ZNF829: variants seen among roughly 807,000 people sequenced by gnomAD.
ZNF829 encodes zinc finger protein 829.
In ZNF829, 25 loss-of-function variants were observed where a neutral mutation model predicts 35.2. The ratio of observed to expected loss-of-function variants is 0.71; its 90% CI spans 0.52 to 0.99. The LOEUF is 0.99. Ranked by LOEUF, ZNF829 falls within the 50% of genes least tolerant of loss-of-function variation. The probability of loss-of-function intolerance (pLI) is 0.00; values close to 1 mark genes in which losing one functional copy is unlikely to be tolerated. For synonymous variants in ZNF829, 136 were observed against 163.2 expected (o/e 0.83, Z 1.27); for missense variants, 417 against 515.3 (o/e 0.81, Z 1.85).
At chr19:36,895,744 C>T (rs926363006) in intron 5 of ZNF829, among the ~76,000 whole-genome samples, 1 of 151,930 alleles carries the variant, frequency 6.6e-6, no homozygotes, top group Non-Finnish European at 1.5e-5. Flanking sequence ...TAAAAAACTG[C>T]AAAAGAAGCA....
At chr19:36,892,902 T>C in intron 5 of ZNF829, 1 of 1,152,204 alleles carries the variant, frequency 8.7e-7, no homozygotes, top group Non-Finnish European at 1.1e-6. Context: ...GCCATCAGCA[T>C]GCCCAGGCAG....
chr19:36,891,893 C>T lies in ZNF829; in HGVS notation c.898G>A (p.Glu300Lys), dbSNP rs1407553305. The T allele has an allele frequency of 6.2e-7, 1 of 1,614,026 alleles. No homozygotes were observed. The highest frequency in any genetic ancestry group is 1.1e-5 in the South Asian group (1 of 91,066). ...TGTTGAGTAAAGGCTTTCCCACATT[C>T]TTTACATTCATAAGGTTTCTCACCA... ...HTGEKPYECK[E>K]CGKAFTQHSR... The change falls in exon 6 of 6, where the codon GAA (glutamate) becomes AAA (lysine). Residue 300 changes from glutamate to lysine, a missense_variant. Transcript: ENST00000391711.
chr19:36,895,595 C>T (rs982727260), intron 5 of ZNF829, among the ~76,000 whole-genome samples: 2 of 151,942 alleles, frequency 1.3e-5, no homozygotes, highest in African/African-American at 2.4e-5. Context: ...AAATATGACT[C>T]ACCTATATAC....
At chr19:36,902,056 G>C (rs1460748076) in intron 5 of ZNF829, 1 of 563,448 alleles carries the variant, frequency 1.8e-6, no homozygotes, top group Admixed American at 2.5e-5. Context: ...TCTATACTTT[G>C]GTTATCTATG....
rs1032683767 is a variant in ZNF829 at position 36,908,314 on chromosome 19, G to T, written c.223+19C>A. Reference sequence around the variant, plus strand: ...CTTCCAAGGGCACACTCTGAATTTTGGGGAATAGTTATCCTTACCCACTGA... The same window carrying T: ...CTTCCAAGGGCACACTCTGAATTTTTGGGAATAGTTATCCTTACCCACTGA... On this transcript the variant is annotated intron_variant, in intron 4 of 5. Transcript: ENST00000391711. 1.2e-6 allele frequency: 2 copies of T among 1,601,112 alleles called. No individual in the cohort carries two copies. Among genetic ancestry groups the T allele is most frequent in the Non-Finnish European group, 1.7e-6 (2 of 1,174,952 alleles).
intron 5 of ZNF829, among the ~76,000 whole-genome samples, chr19:36,900,174 ACACACACAC>A (rs2073152334): frequency 6.7e-6 from 1 of 150,260 alleles, no homozygotes; most frequent in Non-Finnish European, 1.5e-5. Context: ...ACACACACAC[ACACACACAC>A]ACACACACAC....
At chr19:36,902,143 A>C (rs2073172051) in intron 5 of ZNF829, 2 of 295,606 alleles carry the variant, frequency 6.8e-6, no homozygotes, top group Non-Finnish European at 1.2e-5. Flanking sequence ...AATACATCAA[A>C]TAGTTATAAA....
At chr19:36,913,952 A>G (rs2073284381) in intron 3 of ZNF829, among the ~76,000 whole-genome samples, 1 of 152,166 alleles carries the variant, frequency 6.6e-6, no homozygotes, top group African/African-American at 2.4e-5. Flanking sequence ...AAACATACCC[A>G]TGCACATATA....
At chr19:36,899,841 A>G (rs2073146811) in intron 5 of ZNF829, among the ~76,000 whole-genome samples, 1 of 151,886 alleles carries the variant, frequency 6.6e-6, no homozygotes, top group South Asian at 2.1e-4. Context: ...ATGTATGTGT[A>G]TCAAAACATC....
At chr19:36,902,247 G>T in intron 5 of ZNF829, 1 of 167,242 alleles carries the variant, frequency 6.0e-6, no homozygotes, top group Non-Finnish European at 1.3e-5. Context: ...CTCAAAAACA[G>T]AAATTTTTAA....
chr19:36,903,183 G>A (rs897408461), intron 5 of ZNF829, among the ~76,000 whole-genome samples: 1 of 152,188 alleles, frequency 6.6e-6, no homozygotes, highest in Non-Finnish European at 1.5e-5. Flanking sequence ...AAACCTGGAT[G>A]ATTTCTAACA....
intron 3 of ZNF829, among the ~76,000 whole-genome samples, chr19:36,909,688 T>C: frequency 6.6e-6 from 1 of 151,700 alleles, no homozygotes; most frequent in Non-Finnish European, 1.5e-5. Context: ...ACGCCTGTAA[T>C]CCTAGCTACT....
At chr19:36,904,343 G>A (rs2073197195) in intron 5 of ZNF829, among the ~76,000 whole-genome samples, 1 of 152,214 alleles carries the variant, frequency 6.6e-6, no homozygotes, top group Non-Finnish European at 1.5e-5. Flanking sequence ...TCTTTGATGA[G>A]AGGGACTGGG....
At position 36,892,076 on chromosome 19, in the gene ZNF829, G is replaced by T; in HGVS notation, c.715C>A (p.Pro239Thr). Reference protein sequence around the residue: ...QHQRIHTGEKPYECKECGKAF... With the variant: ...QHQRIHTGEKTYECKECGKAF... ...TTTCCACATTCCTTACATTCATAGG[G>T]TTTCTCACCAGTGTGAATCCTCTGA... Residue 239 changes from proline to threonine, a missense_variant, in exon 6 of 6, where the codon CCC (proline) becomes ACC (threonine). By Grantham distance (38) the Pro-to-Thr change is conservative. Transcript: ENST00000391711. 6.2e-7 allele frequency: 1 copy of T among 1,614,038 alleles called. No individual in the cohort carries two copies. Among genetic ancestry groups the T allele is most frequent in the Non-Finnish European group, 8.5e-7 (1 of 1,179,992 alleles).
At chr19:36,902,016 G>A (rs371219496) in intron 5 of ZNF829, 3 of 677,194 alleles carry the variant, frequency 4.4e-6, no homozygotes, top group African/African-American at 1.8e-5. Context: ...TCCAGAATAC[G>A]TAATGGGGAT....
At chr19:36,908,494 G>C in intron 3 of ZNF829, 35 bp from the exon 4 acceptor site, 1 of 1,566,922 alleles carries the variant, frequency 6.4e-7, no homozygotes, top group Non-Finnish European at 8.6e-7. Flanking sequence ...AATGAAAGGA[G>C]AAAAGAAAAA....
intron 2 of ZNF829, 22 bp from the exon 3 acceptor site, chr19:36,915,044 A>G (rs2073300710): frequency 6.2e-7 from 1 of 1,614,026 alleles, no homozygotes; most frequent in African/African-American, 1.3e-5. Context: ...TAAAATTGGG[A>G]GAGGGAAGAG....
At chr19:36,895,114 C>G (rs1478975591) in intron 5 of ZNF829, among the ~76,000 whole-genome samples, 2 of 152,144 alleles carry the variant, frequency 1.3e-5, no homozygotes, top group Non-Finnish European at 2.9e-5. Context: ...CTCATCAGAA[C>G]TAGTAGCAGA....
chr19:36,892,233 A>G lies in ZNF829; in HGVS notation c.558T>C (p.Ser186=). The part of the protein sequence containing the change: ...RIHFGEKHYE[S]KEYGKSFSRG... ...GACTAAAGGACTTCCCATACTCCTT[A>G]GATTCATAGTGTTTTTCACCAAAAT... Residue 186 remains serine, a synonymous_variant, in exon 6 of 6, where the codon TCT becomes TCC. Transcript: ENST00000391711. The G allele has an allele frequency of 6.2e-7, 1 of 1,614,108 alleles. No homozygotes were observed. Among genetic ancestry groups the G allele is most frequent in the African/African-American group, 1.3e-5 (1 of 75,066 alleles).
Sources: allele counts gnomAD v4.1 joint callset (sites outside exome capture counted in the v4.1 genomes callset), GRCh38; gene constraint gnomAD v4.1.1; transcripts MANE v1.5; gene names NCBI Gene and HGNC (gene_info 2026-07-23, HGNC 2026-07-21).